LTB: variants seen among roughly 807,000 people sequenced by gnomAD.
LTB encodes lymphotoxin beta, also known as lymphotoxin-beta.
A neutral mutation model predicts 14.7 loss-of-function variants in LTB; 17 were observed. That is an observed-to-expected ratio of 1.16 (90% CI 0.79 to 1.73). The LOEUF (loss-of-function observed/expected upper bound fraction) is 1.73, where lower values mean the gene tolerates loss of function less well. LTB is among the 40% of genes most tolerant of loss of function. The pLI, the probability that LTB is intolerant of heterozygous loss-of-function variation, is 0.00. For missense variants in LTB, 288 were observed against 324.3 expected, an observed-to-expected ratio of 0.89 and a Z score of 0.86; for synonymous variants, 163 against 157.3, an observed-to-expected ratio of 1.04 and a Z score of -0.27.
intron 1 of LTB, 120 bp downstream of exon 1, chr6:31,582,136 C>G: frequency 8.4e-7 from 1 of 1,186,862 alleles, no homozygotes; most frequent in Non-Finnish European, 1.2e-6. Flanking sequence ...GACAAGACAT[C>G]CCCACCAGGG....
chr6:31,582,032 A>G (rs1771576986), intron 1 of LTB, 173 bp from the exon 2 acceptor site: 1 of 780,818 alleles, frequency 1.3e-6, no homozygotes, highest in African/African-American at 1.7e-5. Context: ...GCGGAGAAAC[A>G]GATGTACCTC....
In LTB at chr6:31,582,269, T is replaced by C. The variant is rs1387788261; in HGVS notation, c.149A>G (p.Asp50Gly). The stretch of plus-strand genomic sequence containing the variant: ...GCAGCCACTCACCAGTCCTCCCTGA[T>C]CCTGGGGCACTAAGGCCAGCACAGC... ...VLAVLALVPQ[D>G]QGGLVTETAD... The change falls in exon 1 of 4, where the codon GAT (aspartate) becomes GGT (glycine). Residue 50 changes from aspartate to glycine, a missense_variant. Coordinates refer to ENST00000429299, the MANE Select transcript of LTB (RefSeq NM_002341.2). The C allele has an allele frequency of 6.2e-7, 1 of 1,612,954 alleles. No individual in the cohort carries two copies. Among genetic ancestry groups the C allele is most frequent in the Non-Finnish European group, 8.5e-7 (1 of 1,179,974 alleles).
chr6:31,581,744 T>C (rs555196393), intron 2 of LTB, 70 bp downstream of exon 2: 2 of 1,605,396 alleles, frequency 1.2e-6, no homozygotes, highest in African/African-American at 1.3e-5. Flanking sequence ...AAGAGGTATC[T>C]GGGGACGCAG....
chr6:31,582,206 A>C (rs1205337238), intron 1 of LTB, 50 bp downstream of exon 1: 1 of 1,601,440 alleles, frequency 6.2e-7, no homozygotes, highest in Non-Finnish European at 8.5e-7. Context: ...AGAGGGAGCC[A>C]AGCATCCGCA....
chr6:31,580,717 C>T lies in LTB; in HGVS notation c.727G>A (p.Val243Met). ...RGKTFFGAVM[V>M]G ...CACGCACTCATATTCCCTCACCCCA[C>T]CATCACGGCCCCAAAGAAGGTCTTC... Residue 243 changes from valine to methionine, a missense_variant, in exon 4 of 4, where the codon GTG (valine) becomes ATG (methionine). Val to Met is a conservative substitution (Grantham distance 21). This residue lies in a region of LTB where 4 missense variants were observed against 25.1 expected (regional missense o/e 0.16). Transcript: ENST00000429299. This position sits in a 1 kb window ranked among gnomAD's most constrained non-coding sequence, Gnocchi z 6.6. The T allele has an allele frequency of 6.2e-7, 1 of 1,609,512 alleles. No individual in the cohort carries two copies. Among genetic ancestry groups the T allele is most frequent in the Non-Finnish European group, 8.5e-7 (1 of 1,177,494 alleles).
At chr6:31,582,165 C>G (rs557400970) in intron 1 of LTB, 91 bp downstream of exon 1, 4 of 1,499,110 alleles carry the variant, frequency 2.7e-6, no homozygotes, top group Middle Eastern at 1.7e-4. Flanking sequence ...GCCAGCTGAG[C>G]CAGAGGGGGC....
intron 2 of LTB, 70 bp downstream of exon 2, chr6:31,581,744 T>G (rs555196393): frequency 6.2e-7 from 1 of 1,605,512 alleles, no homozygotes; most frequent in Admixed American, 1.7e-5. Flanking sequence ...AAGAGGTATC[T>G]GGGGACGCAG....
intron 1 of LTB, 84 bp from the exon 2 acceptor site, chr6:31,581,943 G>T: frequency 7.2e-7 from 1 of 1,392,222 alleles, no homozygotes; most frequent in Non-Finnish European, 9.8e-7. Context: ...CAAGCTGCAG[G>T]CCTGGGGTTT....
rs1054286034 is a variant in LTB at position 31,581,479 on chromosome 6, T to G, written c.280+80A>C. Reference sequence around the variant, plus strand: ...GGTGGGAAACCGAGCACTGGAATCATGGAGCCGAAGGACTCTGGGCGAGCA... The same window carrying G: ...GGTGGGAAACCGAGCACTGGAATCAGGGAGCCGAAGGACTCTGGGCGAGCA... On this transcript the variant is annotated intron_variant, in intron 3 of 3. Coordinates refer to ENST00000429299, the MANE Select transcript of LTB (RefSeq NM_002341.2). The G allele has an allele frequency of 2.2e-6, 3 of 1,355,666 alleles. No homozygotes were observed. In the African/African-American group the frequency reaches 4.3e-5, roughly 19 times the overall value. The allele number at this position is 1,355,666 out of a possible 1,614,324, so 84.0% of individuals were successfully genotyped here.
chr6:31,581,775 A>G, intron 2 of LTB, 39 bp downstream of exon 2: 1 of 1,612,030 alleles, frequency 6.2e-7, no homozygotes, highest in Non-Finnish European at 8.5e-7. Context: ...GGAGCCCCTG[A>G]GGGTCTGAAG....
intron 1 of LTB, 55 bp downstream of exon 1, chr6:31,582,201 G>T: frequency 6.3e-7 from 1 of 1,599,276 alleles, no homozygotes; most frequent in Non-Finnish European, 8.6e-7. Flanking sequence ...CAACCAGAGG[G>T]AGCCAAGCAT....
rs565323051 is a variant in LTB at position 31,581,816 on chromosome 6, A to T, written c.206T>A (p.Leu69Gln). ...AAGGAGAGACAGTCTGCTCTTACCC[A>T]GTCCTTGCTGGGCCTGTGCCCCGGG... ...ADPGAQAQQG[L>Q]GFQKLPEEEP... is the part of the protein sequence containing the mutation. The change falls in exon 2 of 4, where the codon CTG becomes CAG. Residue 69 changes from leucine (L) to glutamine (Q), a missense_variant and splice_region_variant. By Grantham distance (113) the Leu-to-Gln change is moderately radical. Transcript: ENST00000429299. 6.2e-7 allele frequency: 1 copy of T among 1,610,098 alleles called. No homozygotes were observed. The highest frequency in any genetic ancestry group is 2.2e-5 in the East Asian group (1 of 44,846).
chr6:31,581,505 G>A (rs1771504851), intron 3 of LTB, 54 bp downstream of exon 3: 1 of 1,540,094 alleles, frequency 6.5e-7, no homozygotes, highest in African/African-American at 1.4e-5. Flanking sequence ...TGGGCGAGCA[G>A]AACTGGAACC....
chr6:31,582,411 C>T lies in LTB; in HGVS notation c.7G>A (p.Ala3Thr), dbSNP rs1460699858. 3 of 1,612,092 alleles carry T rather than the reference C, an allele frequency of 1.9e-6. No individual in the cohort carries two copies. The highest frequency in any genetic ancestry group is 2.2e-5 in the East Asian group (1 of 44,870). The change falls in exon 1 of 4, where the codon GCA becomes ACA. Residue 3 changes from alanine (A) to threonine (T), a missense_variant. Transcript: ENST00000429299. Reference protein sequence around the residue: MGALGLEGRGGRL... With the variant: MGTLGLEGRGGRL... ...CCACCCCTGCCCTCCAGCCCCAGTG[C>T]CCCCATTGAGACTGAACCAGAGCCA...
chr6:31,582,096 A>T, intron 1 of LTB, 160 bp downstream of exon 1: 2 of 896,860 alleles, frequency 2.2e-6, no homozygotes, highest in South Asian at 1.6e-5. Flanking sequence ...GCACAACATC[A>T]CAGGAACATG....
In LTB at chr6:31,580,626, T is replaced by C; in HGVS notation, c.*83A>G. 2.4e-6 allele frequency: 3 copies of C among 1,228,814 alleles called. No homozygotes were observed. Among genetic ancestry groups the C allele is most frequent in the Non-Finnish European group, 3.5e-6 (3 of 869,060 alleles). 76.1% of individuals were successfully genotyped at this position (1,228,814 alleles called of 1,614,324 possible). ...GTTCAAAATCAATTTCCAAACAGTCTCCTACATTTTTCCCACTGCCATGGG... is the reference window on the plus strand; with the variant it reads ...GTTCAAAATCAATTTCCAAACAGTCCCCTACATTTTTCCCACTGCCATGGG... On this transcript the variant is annotated 3_prime_UTR_variant, in exon 4 of 4. Coordinates refer to ENST00000429299, the MANE Select transcript of LTB (RefSeq NM_002341.2). The surrounding 1 kb of genome is among the most constrained non-coding windows in gnomAD (Gnocchi z 6.6).
chr6:31,580,767 G>C lies in LTB; in HGVS notation c.677C>G (p.Pro226Arg). The C allele has an allele frequency of 1.2e-6, 2 of 1,613,034 alleles. No individual in the cohort carries two copies. Among genetic ancestry groups the C allele is most frequent in the Non-Finnish European group, 8.5e-7 (1 of 1,180,008 alleles). ...GERVYVNISH[P>R]DMVDFARGKT... Reference sequence around the variant, plus strand: ...CCCTCTCGCGAAGTCCACCATATCGGGGTGACTGATGTTGACGTACACCCT... The same window carrying C: ...CCCTCTCGCGAAGTCCACCATATCGCGGTGACTGATGTTGACGTACACCCT... Residue 226 changes from proline (P) to arginine (R), a missense_variant, in exon 4 of 4, where the codon CCC becomes CGC. Physicochemically the swap from Pro to Arg is moderately radical, Grantham distance 103. Transcript: ENST00000429299. The surrounding 1 kb of genome is among the most constrained non-coding windows in gnomAD (Gnocchi z 6.6).
At position 31,580,667 on chromosome 6, in the gene LTB, G is replaced by T. The variant is rs748778397; in HGVS notation, c.*42C>A. On this transcript the variant is annotated 3_prime_UTR_variant, in exon 4 of 4. Coordinates refer to ENST00000429299, the MANE Select transcript of LTB (RefSeq NM_002341.2). This position sits in a 1 kb window ranked among gnomAD's most constrained non-coding sequence, Gnocchi z 6.6. ...CTGCCATGGGGTCCTGGGCGTCCGGGCCCCCAATATTCACGCACTCGCACC... is the reference window on the plus strand; with the variant it reads ...CTGCCATGGGGTCCTGGGCGTCCGGTCCCCCAATATTCACGCACTCGCACC... 6.5e-7 allele frequency: 1 copy of T among 1,545,848 alleles called. No individual in the cohort carries two copies. Among genetic ancestry groups the T allele is most frequent in the Admixed American group, 1.8e-5 (1 of 55,724 alleles).
At chr6:31,581,236 CT>C in intron 3 of LTB, 73 bp from the exon 4 acceptor site, 1 of 1,395,586 alleles carries the variant, frequency 7.2e-7, no homozygotes, top group Non-Finnish European at 9.6e-7. Context: ...GAAGTGGCGG[CT>C]TTTAGCCCCT....
Sources: gnomAD v4.1 joint callset for allele counts on GRCh38, gnomAD v4.1.1 for gene constraint, gnomAD v4.1.1 regional missense constraint, Gnocchi (gnomAD v3.1) non-coding constraint, MANE v1.5 for transcripts, NCBI Gene and HGNC (gene_info 2026-07-23, HGNC 2026-07-21) for gene names.